The following KCNJ5 variants were observed in gnomAD, a reference collection of about 807,000 sequenced individuals.
KCNJ5 encodes the protein G protein-activated inward rectifier potassium channel 4.
A neutral mutation model predicts 20.2 loss-of-function variants in KCNJ5; 12 were observed. The ratio of observed to expected loss-of-function variants is 0.59; its 90% CI spans 0.38 to 0.96. The LOEUF is 0.96. Ranked by LOEUF, KCNJ5 falls within the 40% of genes least tolerant of loss-of-function variation. The pLI, the probability that KCNJ5 is intolerant of heterozygous loss-of-function variation, is 0.00. For missense variants in KCNJ5, 449 were observed against 557.6 expected (o/e 0.81, Z 1.96); for synonymous variants, 210 against 213.9 (o/e 0.98, Z 0.16).
rs1217900782 is a variant in KCNJ5, at chr11:128,919,047, C to G, written c.*2316C>G. 6.6e-6 allele frequency: 1 copy of G among 152,418 alleles called. No individual in the cohort carries two copies. The highest frequency in any genetic ancestry group is 2.4e-5 in the African/African-American group (1 of 41,466). 9.4% of individuals were successfully genotyped at this position (152,418 alleles called of 1,614,324 possible). On this transcript the variant is annotated 3_prime_UTR_variant, in exon 3 of 3. Transcript: ENST00000529694. ...CCCTCCGGCTGAGGCCAGCACTCGC[C>G]TGGGACTCCCTGGACCCCAGGGTTA...
At chr11:128,892,017 G>A (rs1244287223) in intron 1 of KCNJ5, among the ~76,000 whole-genome samples, 1 of 152,242 alleles carries the variant, frequency 6.6e-6, no homozygotes, top group African/African-American at 2.4e-5. Context: ...GGTTTGAGAG[G>A]CAACAGTGGC....
At position 128,919,058 on chromosome 11, in the gene KCNJ5, T is replaced by A. The variant is rs1467360378; in HGVS notation, c.*2327T>A. 1 of 152,446 alleles carries A rather than the reference T, an allele frequency of 6.6e-6. No individual in the cohort carries two copies. Among genetic ancestry groups the A allele is most frequent in the African/African-American group, 2.4e-5 (1 of 41,452 alleles). The allele number at this position is 152,446 out of a possible 1,614,324, so 9.4% of individuals were successfully genotyped here. A position where few individuals can be genotyped will look rare whatever the true frequency, so the allele number is the denominator to read the frequency against. On this transcript the variant is annotated 3_prime_UTR_variant, in exon 3 of 3. Coordinates refer to ENST00000529694, the MANE Select transcript of KCNJ5 (RefSeq NM_000890.5). ...AGGCCAGCACTCGCCTGGGACTCCCTGGACCCCAGGGTTACTAACAGCAAA... is the reference window on the plus strand; with the variant it reads ...AGGCCAGCACTCGCCTGGGACTCCCAGGACCCCAGGGTTACTAACAGCAAA...
rs879270256 is a variant in KCNJ5 at position 128,919,381 on chromosome 11, G to C, written c.*2650G>C. The C allele has an allele frequency of 1.3e-5, 2 of 152,256 alleles. No homozygotes were observed. Among genetic ancestry groups the C allele is most frequent in the Admixed American group, 1.3e-4 (2 of 15,286 alleles). The allele number at this position is 152,256 out of a possible 1,614,324, so 9.4% of individuals were successfully genotyped here. On this transcript the variant is annotated 3_prime_UTR_variant, in exon 3 of 3. Coordinates refer to ENST00000529694, the MANE Select transcript of KCNJ5 (RefSeq NM_000890.5). ...AAGCTCTGGCTAGAGGAGAGGAAGC[G>C]TGCAGAGGGTCCTCTGCCAAAGCTC... is the stretch of plus-strand genomic sequence containing the variant.
chr11:128,900,290 A>G (rs771785065), intron 1 of KCNJ5: 3 of 152,160 alleles, frequency 2.0e-5, no homozygotes, highest in Admixed American at 6.5e-5. Context: ...AGATCCTTAC[A>G]TGAAACACCA....
intron 2 of KCNJ5, among the ~76,000 whole-genome samples, chr11:128,915,820 TG>T (rs1270224320): frequency 6.6e-6 from 1 of 150,624 alleles, no homozygotes; most frequent in Admixed American, 6.6e-5. Flanking sequence ...GATGGATGGA[TG>T]GATGGATGGA....
intron 1 of KCNJ5, chr11:128,904,610 A>G (rs1195855492): frequency 2.5e-6 from 2 of 791,616 alleles, no homozygotes; most frequent in African/African-American, 3.4e-5. Context: ...GAAACCCCAG[A>G]CCTACAGAAT....
At chr11:128,895,390 C>CA (rs887547299) in intron 1 of KCNJ5, among the ~76,000 whole-genome samples, 7 of 146,694 alleles carry the variant, frequency 4.8e-5, no homozygotes, top group Admixed American at 2.7e-4. Flanking sequence ...CCACCCCCCC[C>CA]CCAACCCCAG....
chr11:128,916,265 G>T, intron 2 of KCNJ5, 144 bp from the exon 3 acceptor site: 4 of 690,176 alleles, frequency 5.8e-6, no homozygotes, highest in Non-Finnish European at 1.0e-5. Flanking sequence ...TGGATGGATG[G>T]ATGGATGGAT....
chr11:128,916,280 GAACA>G lies in KCNJ5; in HGVS notation c.938-128_938-125del, dbSNP rs1158230703. The stretch of plus-strand genomic sequence containing the variant: ...TGGATGGATGGATGGATGGATGGAT[GAACA>G]GATGACTGGATGGATGGATGGATGG... On this transcript the variant is annotated intron_variant, in intron 2 of 2. Coordinates refer to ENST00000529694, the MANE Select transcript of KCNJ5 (RefSeq NM_000890.5). 3.3e-4 allele frequency: 239 copies of G among 720,592 alleles called. 3 individuals carry two copies. The highest frequency in any genetic ancestry group is 1.1e-3 in the South Asian group (70 of 63,784). The allele number at this position is 720,592 out of a possible 1,614,324, so 44.6% of individuals were successfully genotyped here.
intron 1 of KCNJ5, among the ~76,000 whole-genome samples, chr11:128,892,562 G>A (rs987233710): frequency 4.6e-5 from 7 of 152,146 alleles, no homozygotes; most frequent in South Asian, 2.1e-4. Context: ...ACAGGAACAC[G>A]CCAAGTATTT....
intron 1 of KCNJ5, chr11:128,901,604 CTG>C (rs1398906653): frequency 2.0e-5 from 3 of 152,284 alleles, no homozygotes; most frequent in African/African-American, 7.2e-5. Flanking sequence ...CTGAGTGACT[CTG>C]GGAGCAACCT....
chr11:128,891,437 CACACAGAGAGAGAGAGAG>C lies in KCNJ5; in HGVS notation c.-293_-276del, dbSNP rs1249506403. 1 of 74,426 alleles carries C rather than the reference CACACAGAGAGAGAGAGAG, an allele frequency of 1.3e-5. No individual in the cohort carries two copies. The highest frequency in any genetic ancestry group is 6.3e-5 in the African/African-American group (1 of 15,968). 4.6% of individuals were successfully genotyped at this position (74,426 alleles called of 1,614,324 possible). ...ACACACACACACACACACACACACACACACAGAGAGAGAGAGAGAGAGAGAGAGAGAGAGAGAGATTGT... is the reference window on the plus strand; with the variant it reads ...ACACACACACACACACACACACACACAGAGAGAGAGAGAGAGAGAGATTGT... On this transcript the variant is annotated 5_prime_UTR_variant, in exon 1 of 3. Coordinates refer to ENST00000529694, the MANE Select transcript of KCNJ5 (RefSeq NM_000890.5).
At chr11:128,902,245 C>A in intron 1 of KCNJ5, 2 of 439,068 alleles carry the variant, frequency 4.6e-6, no homozygotes, top group South Asian at 2.5e-5. Context: ...AATCAGCATC[C>A]ATTACATCGG....
intron 1 of KCNJ5, among the ~76,000 whole-genome samples, chr11:128,903,997 A>T (rs1189362713): frequency 6.6e-6 from 1 of 152,198 alleles, no homozygotes; most frequent in Admixed American, 6.5e-5. Flanking sequence ...GGAATCAGAC[A>T]AAACCTAGCC....
intron 1 of KCNJ5, among the ~76,000 whole-genome samples, chr11:128,897,431 C>A (rs1944194303): frequency 6.6e-6 from 1 of 152,098 alleles, no homozygotes; most frequent in East Asian, 1.9e-4. Flanking sequence ...TATTTGCCCC[C>A]CATATATCCT....
chr11:128,900,726 C>G (rs1425494174), intron 1 of KCNJ5: 4 of 152,204 alleles, frequency 2.6e-5, no homozygotes, highest in South Asian at 2.1e-4. Flanking sequence ...ATGAGTTAAC[C>G]CAAATTTGTG....
intron 1 of KCNJ5, among the ~76,000 whole-genome samples, chr11:128,895,166 G>A (rs2135981940): frequency 6.6e-6 from 1 of 152,284 alleles, no homozygotes; most frequent in Admixed American, 6.5e-5. Flanking sequence ...CATCCCCTGT[G>A]ACTTGGCGGT....
intron 1 of KCNJ5, among the ~76,000 whole-genome samples, chr11:128,906,897 G>A (rs1944426263): frequency 6.6e-6 from 1 of 152,102 alleles, no homozygotes; most frequent in Admixed American, 6.5e-5. Flanking sequence ...CAGGAATCAC[G>A]AGGGTGTGTT....
intron 1 of KCNJ5, among the ~76,000 whole-genome samples, chr11:128,894,772 C>T (rs1944145904): frequency 6.6e-6 from 1 of 152,242 alleles, no homozygotes. Context: ...GAAGGCCCTG[C>T]CTGTGCAGCA....
Sources: allele counts gnomAD v4.1 joint callset (sites outside exome capture counted in the v4.1 genomes callset), GRCh38; gene constraint gnomAD v4.1.1; transcripts MANE v1.5; gene names NCBI Gene and HGNC (gene_info 2026-07-23, HGNC 2026-07-21).